The following CLEC16A variants were observed in gnomAD, a reference collection of about 807,000 sequenced individuals.
CLEC16A encodes the protein protein CLEC16A.
In CLEC16A, 51 loss-of-function variants were observed where a neutral mutation model predicts 109.5. That is an observed-to-expected ratio of 0.47 (90% CI 0.37 to 0.59). CLEC16A has a LOEUF of 0.59. Ranked by LOEUF, CLEC16A falls within the 20% of genes least tolerant of loss-of-function variation. CLEC16A has a pLI of 0.00. For missense variants in CLEC16A, 1,339 were observed against 1,394.0 expected (o/e 0.96, Z 0.63); for synonymous variants, 673 against 564.2 (o/e 1.19, Z -2.73).
intron 22 of CLEC16A, among the ~76,000 whole-genome samples, chr16:11,160,795 T>C (rs142612221): frequency 3.3e-5 from 5 of 152,338 alleles, no homozygotes; most frequent in Middle Eastern, 3.4e-3. Flanking sequence ...AACTCCTTCC[T>C]TTTCAGTGCT....
intron 23 of CLEC16A, among the ~76,000 whole-genome samples, chr16:11,169,546 C>A (rs1455009419): frequency 6.6e-6 from 1 of 152,212 alleles, no homozygotes; most frequent in Non-Finnish European, 1.5e-5. Flanking sequence ...CTCAGCCTCC[C>A]AAAGTGCTGG....
At chr16:11,136,556 C>G (rs566616866) in intron 22 of CLEC16A, among the ~76,000 whole-genome samples, 9 of 152,296 alleles carry the variant, frequency 5.9e-5, no homozygotes, top group Admixed American at 5.9e-4. Context: ...TCAATTAGCA[C>G]GAACAAAATT....
intron 19 of CLEC16A, among the ~76,000 whole-genome samples, chr16:11,093,497 G>C (rs577933834): frequency 6.6e-6 from 1 of 152,190 alleles, no homozygotes. Context: ...CAGTGATTCT[G>C]CCCGGACTCA....
chr16:10,988,647 C>A (rs546611675), intron 10 of CLEC16A, among the ~76,000 whole-genome samples: 7 of 152,256 alleles, frequency 4.6e-5, no homozygotes, highest in African/African-American at 1.7e-4. Context: ...CAGTGGGCTG[C>A]TTTTGGTGCT....
chr16:10,972,041 A>C (rs948883833), intron 5 of CLEC16A, among the ~76,000 whole-genome samples: 1 of 152,262 alleles, frequency 6.6e-6, no homozygotes, highest in African/African-American at 2.4e-5. Context: ...CTAAGAGCCC[A>C]ACTGGACCCA....
chr16:11,124,243 T>C (rs2052637505), intron 21 of CLEC16A, among the ~76,000 whole-genome samples: 1 of 152,150 alleles, frequency 6.6e-6, no homozygotes, highest in Admixed American at 6.5e-5. Flanking sequence ...TTCTCAAGCA[T>C]ATGTTAACAA....
At chr16:11,142,937 A>G (rs1056720333) in intron 22 of CLEC16A, among the ~76,000 whole-genome samples, 2 of 152,108 alleles carry the variant, frequency 1.3e-5, no homozygotes, top group African/African-American at 2.4e-5. Flanking sequence ...CAGCCTTCCA[A>G]GTAGCTGAGA....
At chr16:11,177,168 GTCT>G (rs1285565732) in intron 23 of CLEC16A, among the ~76,000 whole-genome samples, 2 of 152,174 alleles carry the variant, frequency 1.3e-5, no homozygotes, top group Non-Finnish European at 2.9e-5. Context: ...GATGCCCACT[GTCT>G]TCTTCTCAAT....
At chr16:11,023,564 G>A (rs79167783) in intron 12 of CLEC16A, among the ~76,000 whole-genome samples, 6 of 150,734 alleles carry the variant, frequency 4.0e-5, no homozygotes, top group Non-Finnish European at 1.5e-5. Context: ...TTTAGTTTTT[G>A]TGTGTCACGT....
At chr16:11,113,569 G>A (rs962804148) in intron 19 of CLEC16A, among the ~76,000 whole-genome samples, 2 of 152,074 alleles carry the variant, frequency 1.3e-5, no homozygotes, top group Non-Finnish European at 2.9e-5. Flanking sequence ...TGAGGTGAGA[G>A]GATCACTCGA....
At chr16:11,084,599 C>T (rs2049908761) in intron 19 of CLEC16A, among the ~76,000 whole-genome samples, 1 of 152,216 alleles carries the variant, frequency 6.6e-6, no homozygotes, top group Non-Finnish European at 1.5e-5. Flanking sequence ...TTGCGTGGGT[C>T]TCTTTCTCCA....
chr16:11,135,975 C>T (rs901084875), intron 22 of CLEC16A: 3 of 152,298 alleles, frequency 2.0e-5, no homozygotes, highest in African/African-American at 7.2e-5. Context: ...TCGAACTTAC[C>T]AAATCTTCCC....
At chr16:11,177,933 T>C (rs2068822621) in intron 23 of CLEC16A, among the ~76,000 whole-genome samples, 1 of 152,084 alleles carries the variant, frequency 6.6e-6, no homozygotes, top group African/African-American at 2.4e-5. Context: ...TGGCCTGATA[T>C]TACGAGCACA....
intron 19 of CLEC16A, among the ~76,000 whole-genome samples, chr16:11,096,996 T>A (rs1339595076): frequency 3.9e-5 from 6 of 152,182 alleles, no homozygotes; most frequent in African/African-American, 1.2e-4. Context: ...ACAGCATTTT[T>A]AAAAAACTGA....
chr16:11,010,932 A>G lies in CLEC16A; in HGVS notation c.1303+7627A>G, dbSNP rs140720436. On this transcript the variant is annotated intron_variant, in intron 11 of 23. Transcript: ENST00000409790. Reference sequence around the variant, plus strand: ...TGTCTTTGTGTGATGTGTCCTTGTGATTAGACTGAGATTATGCGTTCTTGG... The same window carrying G: ...TGTCTTTGTGTGATGTGTCCTTGTGGTTAGACTGAGATTATGCGTTCTTGG... Among the ~76,000 whole-genome samples the G allele has an allele frequency of 2.3e-4, 35 of 152,036 alleles. No homozygotes were observed. In the East Asian group the frequency reaches 6.6e-3, roughly 29 times the overall value.
rs544848942 is a variant in CLEC16A at position 11,112,631 on chromosome 16, G to A, written c.2117-7984G>A. Among the ~76,000 whole-genome samples the A allele has an allele frequency of 2.0e-5, 3 of 152,250 alleles. No individual in the cohort carries two copies. In the South Asian group the frequency reaches 6.2e-4, roughly 32 times the overall value. ...GGTAAGCAATGATTGCACCATTGCA[G>A]TCCAGCCTGGGTGACAGACCTATCT... On this transcript the variant is annotated intron_variant, in intron 19 of 23. Coordinates refer to ENST00000409790, the MANE Select transcript of CLEC16A (RefSeq NM_015226.3).
rs115918249 is a variant in CLEC16A at position 10,959,101 on chromosome 16, A to T, written c.209+1191A>T. 1.9e-3 allele frequency among the ~76,000 whole-genome samples: 288 copies of T among 152,134 alleles called. 1 individual carries two copies. The highest frequency in any genetic ancestry group is 6.6e-3 in the African/African-American group (275 of 41,488). On this transcript the variant is annotated intron_variant, in intron 2 of 23. Coordinates refer to ENST00000409790, the MANE Select transcript of CLEC16A (RefSeq NM_015226.3). ...CTTTTAAAACTCATTTTTGAAAAGT[A>T]AAAGTGTTCTATTTTTAACCTGGTT...
chr16:11,025,686 G>A (rs1391240611), intron 13 of CLEC16A, among the ~76,000 whole-genome samples: 1 of 152,194 alleles, frequency 6.6e-6, no homozygotes. Flanking sequence ...TTGGGGAGTA[G>A]ATAGAGTTGG....
At chr16:11,124,811 G>T (rs141437501) in intron 21 of CLEC16A, among the ~76,000 whole-genome samples, 1 of 152,190 alleles carries the variant, frequency 6.6e-6, no homozygotes, top group Non-Finnish European at 1.5e-5. Flanking sequence ...CCTTGACCAG[G>T]CACGGTGGTT....
Sources: allele counts gnomAD v4.1 joint callset (sites outside exome capture counted in the v4.1 genomes callset), GRCh38; gene constraint gnomAD v4.1.1; transcripts MANE v1.5; gene names NCBI Gene and HGNC (gene_info 2026-07-23, HGNC 2026-07-21).